SAMD12: variants seen among roughly 807,000 people sequenced by gnomAD.
SAMD12 encodes the protein sterile alpha motif domain containing 12.
Under a neutral mutation model 15.0 loss-of-function variants are expected in SAMD12, and 9 were observed. The ratio of observed to expected loss-of-function variants is 0.60; its 90% confidence interval spans 0.36 to 1.05. SAMD12 has a LOEUF of 1.05. SAMD12 is among the 50% of genes least tolerant of loss of function. SAMD12 has a pLI of 0.01. For missense variants in SAMD12, 230 were observed against 234.2 expected, an observed-to-expected ratio of 0.98 and a Z score of 0.12; for synonymous variants, 86 against 90.1, an observed-to-expected ratio of 0.96 and a Z score of 0.25.
chr8:118,287,185 C>T (rs1182504202), intron 4 of SAMD12, among the ~76,000 whole-genome samples: 1 of 147,322 alleles, frequency 6.8e-6, no homozygotes, highest in Admixed American at 6.7e-5. Flanking sequence ...ACTACAGTGG[C>T]TCTATCTCGG....
At chr8:118,481,233 G>A (rs1563886221) in intron 2 of SAMD12, among the ~76,000 whole-genome samples, 1 of 152,136 alleles carries the variant, frequency 6.6e-6, no homozygotes, top group African/African-American at 2.4e-5. Context: ...AAGATTACAG[G>A]TGTGAGCCAC....
chr8:118,412,711 C>G (rs1487439030), intron 3 of SAMD12, among the ~76,000 whole-genome samples: 1 of 152,160 alleles, frequency 6.6e-6, no homozygotes, highest in Non-Finnish European at 1.5e-5. Flanking sequence ...CCACTGATAT[C>G]ATTAGGATGA....
chr8:118,485,829 T>G (rs1824262073), intron 2 of SAMD12, among the ~76,000 whole-genome samples: 1 of 152,206 alleles, frequency 6.6e-6, no homozygotes, highest in Non-Finnish European at 1.5e-5. Flanking sequence ...CTGACTGGTT[T>G]TTATCCTCAA....
intron 2 of SAMD12, among the ~76,000 whole-genome samples, chr8:118,551,676 C>A (rs905590035): frequency 1.1e-4 from 17 of 149,914 alleles, no homozygotes; most frequent in African/African-American, 3.7e-4. Context: ...TAACTAAAAT[C>A]AGAGCAGAAC....
chr8:118,277,651 G>T (rs1353845144), intron 4 of SAMD12, among the ~76,000 whole-genome samples: 1 of 151,490 alleles, frequency 6.6e-6, no homozygotes, highest in African/African-American at 2.4e-5. Context: ...GAAACAAAAG[G>T]AATTAATCCT....
At chr8:118,490,186 G>A (rs1414635603) in intron 2 of SAMD12, among the ~76,000 whole-genome samples, 7 of 152,058 alleles carry the variant, frequency 4.6e-5, no homozygotes, top group East Asian at 1.9e-4. Context: ...TGAGAGTCAC[G>A]TAACTTTCCT....
At chr8:118,249,587 C>T (rs912560831) in intron 4 of SAMD12, among the ~76,000 whole-genome samples, 2 of 152,100 alleles carry the variant, frequency 1.3e-5, no homozygotes, top group Non-Finnish European at 2.9e-5. Context: ...GGTTTCTGGT[C>T]TCCCAAGTTA....
chr8:118,224,832 T>C (rs1225223800), intron 4 of SAMD12, among the ~76,000 whole-genome samples: 1 of 152,202 alleles, frequency 6.6e-6, no homozygotes, highest in Non-Finnish European at 1.5e-5. Context: ...GGCAGAGGTG[T>C]GAATTTCAGT....
chr8:118,498,869 T>C (rs1043339935), intron 2 of SAMD12, among the ~76,000 whole-genome samples: 3 of 152,182 alleles, frequency 2.0e-5, no homozygotes, highest in Non-Finnish European at 4.4e-5. Context: ...ACACAGAACC[T>C]TTCCTCAGAC....
chr8:118,402,793 C>T (rs1325499079), intron 3 of SAMD12, among the ~76,000 whole-genome samples: 1 of 152,100 alleles, frequency 6.6e-6, no homozygotes, highest in Non-Finnish European at 1.5e-5. Context: ...CAGAATTACC[C>T]CAAAATATTA....
At chr8:118,417,151 G>A (rs369970659) in intron 3 of SAMD12, among the ~76,000 whole-genome samples, 2 of 152,014 alleles carry the variant, frequency 1.3e-5, no homozygotes, top group African/African-American at 4.8e-5. Context: ...TACAATGACA[G>A]CTCCCTGTAA....
At chr8:118,342,126 C>A (rs1466879528) in intron 4 of SAMD12, among the ~76,000 whole-genome samples, 1 of 152,084 alleles carries the variant, frequency 6.6e-6, no homozygotes, top group Non-Finnish European at 1.5e-5. Flanking sequence ...CCCGTCTCTA[C>A]TAAAAATACA....
At position 118,585,537 on chromosome 8, in the gene SAMD12, G is replaced by T. The variant is rs146382254; in HGVS notation, c.14-4644C>A. Among the ~76,000 whole-genome samples the T allele has an allele frequency of 9.5e-3, 1,442 of 152,304 alleles. 15 individuals carry two copies. The highest frequency in any genetic ancestry group is 0.031 in the African/African-American group (1,287 of 41,562). On this transcript the variant is annotated intron_variant, in intron 1 of 3. Transcript: ENST00000314727. ...CCTAATACCTCCATAAATGGAAAGA[G>T]AGGTTCCAAAGATATTTTTATTCAA... is the stretch of plus-strand genomic sequence containing the variant.
chr8:118,555,256 GTTGT>G (rs1300721525), intron 2 of SAMD12, among the ~76,000 whole-genome samples: 3 of 152,118 alleles, frequency 2.0e-5, no homozygotes, highest in African/African-American at 7.2e-5. Context: ...CTTTCCTGAT[GTTGT>G]TTATGTTTAC....
chr8:118,560,516 A>G (rs1826672452), intron 2 of SAMD12, among the ~76,000 whole-genome samples: 3 of 152,238 alleles, frequency 2.0e-5, no homozygotes, highest in African/African-American at 4.8e-5. Context: ...AAATGTAATG[A>G]AGCAGGAGCT....
At chr8:118,507,499 A>C (rs527673216) in intron 2 of SAMD12, among the ~76,000 whole-genome samples, 1 of 152,146 alleles carries the variant, frequency 6.6e-6, no homozygotes, top group East Asian at 1.9e-4. Context: ...TATTTTGTAC[A>C]TGGAAAAAAC....
chr8:118,365,723 C>G (rs1029235828), intron 4 of SAMD12, among the ~76,000 whole-genome samples: 1 of 152,080 alleles, frequency 6.6e-6, no homozygotes, highest in African/African-American at 2.4e-5. Flanking sequence ...TCTATATATA[C>G]CCTATTGGTT....
chr8:118,341,539 A>C lies in SAMD12; in HGVS notation c.433+38021T>G, dbSNP rs149078948. Among the ~76,000 whole-genome samples the C allele has an allele frequency of 2.8e-3, 434 of 152,296 alleles. 2 individuals are homozygous for C. The highest frequency in any genetic ancestry group is 4.4e-3 in the Non-Finnish European group (302 of 68,026). On this transcript the variant is annotated intron_variant, in intron 4 of 4. Transcript: ENST00000409003. ...GGTAGTTTATAAACCACAGAAATTT[A>C]TCTCTCATGGTTCTAGAGGCTGAAT...
At chr8:118,178,888 A>T in the SAMD12 span, among the ~76,000 whole-genome samples, 1 of 152,218 alleles carries the variant, frequency 6.6e-6, no homozygotes, top group Non-Finnish European at 1.5e-5. Context: ...AGTCTAATGT[A>T]CGTGGGGCAC....
Sources: allele counts gnomAD v4.1 joint callset (sites outside exome capture counted in the v4.1 genomes callset), GRCh38; gene constraint gnomAD v4.1.1; transcripts MANE v1.5; gene names NCBI Gene and HGNC (gene_info 2026-07-23, HGNC 2026-07-21).